UGT2A2: variants seen among roughly 807,000 people sequenced by gnomAD.
The protein encoded by UGT2A2 is UDP-glucuronosyltransferase 2A2.
UGT2A2 carries 60 observed loss-of-function variants against 50.7 expected under a neutral mutation model. The ratio of observed to expected loss-of-function variants is 1.18; its 90% confidence interval spans 0.96 to 1.47. The LOEUF (loss-of-function observed/expected upper bound fraction) is 1.47, where lower values mean the gene tolerates loss of function less well. UGT2A2 is among the 40% of genes most tolerant of loss of function. The probability of loss-of-function intolerance (pLI) is 0.00; values close to 1 mark genes in which losing one functional copy is unlikely to be tolerated. For missense variants in UGT2A2, 762 were observed against 634.0 expected (o/e 1.20, Z -2.17); for synonymous variants, 242 against 214.6 (o/e 1.13, Z -1.11).
chr4:69,628,000 G>A (rs1021824845), intron 1 of UGT2A2, among the ~76,000 whole-genome samples: 1 of 151,728 alleles, frequency 6.6e-6, no homozygotes, highest in Non-Finnish European at 1.5e-5. Flanking sequence ...CTCTTTTGCT[G>A]GCCAGAAGCT....
chr4:69,623,313 C>T (rs1244991290), intron 1 of UGT2A2, among the ~76,000 whole-genome samples: 1 of 151,706 alleles, frequency 6.6e-6, no homozygotes, highest in Non-Finnish European at 1.5e-5. Context: ...ATGTAACACT[C>T]TGTTTTGAGT....
At chr4:69,602,054 C>G (rs1388894841) in intron 1 of UGT2A2, among the ~76,000 whole-genome samples, 1 of 136,348 alleles carries the variant, frequency 7.3e-6, no homozygotes, top group Non-Finnish European at 1.6e-5. Context: ...GATGCTGTTA[C>G]AGTTAAAATG....
chr4:69,629,635 T>C (rs77304846), intron 1 of UGT2A2, among the ~76,000 whole-genome samples: 18,360 of 152,046 alleles, frequency 0.12, 1,507 homozygotes, highest in Non-Finnish European at 0.18. Context: ...TTGATAAAAC[T>C]GCATCCCGTC....
rs372990023 is a variant in UGT2A2 at position 69,599,333 on chromosome 4, A to G, written c.804T>C (p.Tyr268=). 3.1e-6 allele frequency: 5 copies of G among 1,613,752 alleles called. No homozygotes were observed. Among genetic ancestry groups the G allele is most frequent in the Non-Finnish European group, 4.2e-6 (5 of 1,179,934 alleles). The change falls in exon 2 of 6, where the codon TAT becomes TAC. Residue 268 remains tyrosine, a synonymous_variant. Coordinates refer to ENST00000604629, the MANE Select transcript of UGT2A2 (RefSeq NM_001105677.2). Reference sequence around the variant, plus strand: ...ATGGACGAGGAAATTCAAAATCCCAATATGTTCGGATTAACCAAATTTCAG... The same window carrying G: ...ATGGACGAGGAAATTCAAAATCCCAGTATGTTCGGATTAACCAAATTTCAG... ...GKAEIWLIRT[Y]WDFEFPRPYL...
intron 1 of UGT2A2, 60 bp from the exon 2 acceptor site, chr4:69,599,454 A>G: frequency 1.3e-6 from 2 of 1,581,526 alleles, no homozygotes; most frequent in Non-Finnish European, 1.7e-6. Flanking sequence ...CTGAGGAGAA[A>G]AAAAAGCTAC....
intron 1 of UGT2A2, among the ~76,000 whole-genome samples, chr4:69,630,864 C>A (rs1159427520): frequency 6.6e-6 from 1 of 151,848 alleles, no homozygotes; most frequent in Non-Finnish European, 1.5e-5. Flanking sequence ...TACTATATAT[C>A]AATTATACAT....
Position 69,639,017 on chromosome 4 carries a change from CT to C in UGT2A2, c.623del (p.Glu208GlyfsTer6). On this transcript the variant is annotated frameshift_variant, in exon 1 of 6. Transcript: ENST00000604629. LOFTEE classifies it high-confidence loss of function. ...PVSYVPAALS[E>X]LTDQMTFGER... The stretch of plus-strand genomic sequence containing the variant: ...CACCAAAGGTCATCTGGTCAGTGAG[CT>C]CTGATAAGGCTGCCGGTACATAGGA... 1 of 1,613,264 alleles carries C rather than the reference CT, an allele frequency of 6.2e-7. No homozygotes were observed. The highest frequency in any genetic ancestry group is 2.2e-5 in the East Asian group (1 of 44,860).
At chr4:69,627,068 T>C (rs1433574538) in intron 1 of UGT2A2, among the ~76,000 whole-genome samples, 1 of 151,932 alleles carries the variant, frequency 6.6e-6, no homozygotes, top group African/African-American at 2.4e-5. Context: ...GTATATTCAT[T>C]GTTACTGGAG....
rs1317195453 is a variant in UGT2A2 at position 69,604,947 on chromosome 4, C to A, written c.743-5553G>T. 2.9e-5 allele frequency among the ~76,000 whole-genome samples: 4 copies of A among 136,468 alleles called. 2 individuals are homozygous for A. The highest frequency in any genetic ancestry group is 1.2e-4 in the African/African-American group (4 of 33,584). 89.5% of individuals were successfully genotyped at this position (136,468 alleles called of 152,430 possible). On this transcript the variant is annotated intron_variant, in intron 1 of 5. Coordinates refer to ENST00000604629, the MANE Select transcript of UGT2A2 (RefSeq NM_001105677.2). ...AAGTCCTTAGAGACCTAGAAAGAGA[C>A]TTAGACTCCCACACAATAATAATGA...
intron 5 of UGT2A2, among the ~76,000 whole-genome samples, chr4:69,592,594 C>A (rs1347550207): frequency 6.6e-6 from 1 of 152,008 alleles, no homozygotes; most frequent in Non-Finnish European, 1.5e-5. Context: ...TTAGAAACAG[C>A]AAGCAATGCT....
intron 5 of UGT2A2, among the ~76,000 whole-genome samples, chr4:69,592,060 T>A (rs1176346709): frequency 6.6e-6 from 1 of 152,126 alleles, no homozygotes; most frequent in Non-Finnish European, 1.5e-5. Flanking sequence ...CTAAACCAAC[T>A]GTTGAGTGTC....
chr4:69,636,654 T>TACCAGAAAAATC (rs1187776376), intron 1 of UGT2A2, among the ~76,000 whole-genome samples: 1 of 152,140 alleles, frequency 6.6e-6, no homozygotes, highest in Non-Finnish European at 1.5e-5. Flanking sequence ...CCATTTATTT[T>TACCAGAAAAATC]TTGTAGATTT....
At chr4:69,594,351 T>A (rs1412992315) in intron 5 of UGT2A2, 126 bp downstream of exon 5, 1 of 1,267,644 alleles carries the variant, frequency 7.9e-7, no homozygotes, top group Non-Finnish European at 1.1e-6. Flanking sequence ...TAAAATAGTT[T>A]TTATATTGGT....
intron 1 of UGT2A2, among the ~76,000 whole-genome samples, chr4:69,636,634 A>C (rs1170949248): frequency 6.6e-6 from 1 of 152,158 alleles, no homozygotes; most frequent in Non-Finnish European, 1.5e-5. Context: ...GGTTTAGTAC[A>C]TACCAGAAAC....
chr4:69,596,171 A>C lies in UGT2A2; in HGVS notation c.1023+79T>G, dbSNP rs569735063. 6 of 1,373,614 alleles carry C rather than the reference A, an allele frequency of 4.4e-6. No homozygotes were observed. The African/African-American group carries it at 7.3e-5, about 17-fold the overall frequency. The allele number at this position is 1,373,614 out of a possible 1,614,324, so 85.1% of individuals were successfully genotyped here. Reference sequence around the variant, plus strand: ...CAGTGTATAATGAGTTTTGATTTTCATATGGAAAGAACATTACTAGCTGCA... The same window carrying C: ...CAGTGTATAATGAGTTTTGATTTTCCTATGGAAAGAACATTACTAGCTGCA... On this transcript the variant is annotated intron_variant, in intron 3 of 5. Coordinates refer to ENST00000604629, the MANE Select transcript of UGT2A2 (RefSeq NM_001105677.2).
At chr4:69,590,264 C>T (rs1718510836) in intron 5 of UGT2A2, among the ~76,000 whole-genome samples, 1 of 152,164 alleles carries the variant, frequency 6.6e-6, no homozygotes, top group African/African-American at 2.4e-5. Flanking sequence ...TTTGATGTTT[C>T]AATTGAAACA....
chr4:69,594,232 C>G (rs1433176410), intron 5 of UGT2A2, among the ~76,000 whole-genome samples: 2 of 152,058 alleles, frequency 1.3e-5, no homozygotes, highest in African/African-American at 4.8e-5. Flanking sequence ...CCTCAGCCTC[C>G]CAAAGTGCTA....
rs1326726392 is a variant in UGT2A2 at position 69,596,290 on chromosome 4, G to A, written c.983C>T (p.Ala328Val). Residue 328 changes from alanine (A) to valine (V), a missense_variant, in exon 3 of 6, where the codon GCC (alanine) becomes GTC (valine). Coordinates refer to ENST00000604629, the MANE Select transcript of UGT2A2 (RefSeq NM_001105677.2). Reference protein sequence around the residue: ...SMVKNLTEEKANLIASALAQI... With the variant: ...SMVKNLTEEKVNLIASALAQI... ...GGCAAGGGCTGAGGCAATAAGATTGGCCTTTTCTTCTGTAAGGTTTTTGAC... is the reference window on the plus strand; with the variant it reads ...GGCAAGGGCTGAGGCAATAAGATTGACCTTTTCTTCTGTAAGGTTTTTGAC... 6.2e-7 allele frequency: 1 copy of A among 1,606,818 alleles called. No homozygotes were observed. The highest frequency in any genetic ancestry group is 2.2e-5 in the East Asian group (1 of 44,532).
intron 1 of UGT2A2, among the ~76,000 whole-genome samples, chr4:69,622,734 A>G (rs1382524423): frequency 6.6e-6 from 1 of 151,748 alleles, no homozygotes; most frequent in Non-Finnish European, 1.5e-5. Flanking sequence ...TGATGCTGCT[A>G]TTGTCTAGCA....
Sources: allele counts gnomAD v4.1 joint callset (sites outside exome capture counted in the v4.1 genomes callset), GRCh38; gene constraint gnomAD v4.1.1; transcripts MANE v1.5; gene names NCBI Gene and HGNC (gene_info 2026-07-23, HGNC 2026-07-21).